Variants in PHF3 observed in about 807,000 individuals in gnomAD.
The protein encoded by PHF3 is PHD finger protein 3.
Under a neutral mutation model 178.4 loss-of-function variants are expected in PHF3, and 41 were observed. The observed-to-expected ratio is 0.23, with a 90% confidence interval of 0.18 to 0.30. PHF3 has a LOEUF of 0.30. PHF3 is among the 10% of genes least tolerant of loss of function. PHF3 has a pLI of 1.00. For synonymous variants in PHF3, 842 were observed against 800.5 expected (o/e 1.05, Z -0.88); for missense variants, 2,346 against 2,398.1 (o/e 0.98, Z 0.45).
At chr6:63,679,701 C>A (rs1766341603) in intron 2 of PHF3, 5 of 406,044 alleles carry the variant, frequency 1.2e-5, no homozygotes, top group South Asian at 9.5e-5. Flanking sequence ...TCACCTATGT[C>A]TTTCACAAGG....
intron 1 of PHF3, among the ~76,000 whole-genome samples, chr6:63,638,319 T>C (rs1363448214): frequency 1.3e-5 from 2 of 152,242 alleles, no homozygotes; most frequent in African/African-American, 2.4e-5. Context: ...TTTCATAGTA[T>C]AAGGCCTACT....
intron 9 of PHF3, among the ~76,000 whole-genome samples, chr6:63,701,713 G>A (rs1213520404): frequency 6.6e-6 from 1 of 151,912 alleles, no homozygotes; most frequent in East Asian, 1.9e-4. Flanking sequence ...TACCTTCACC[G>A]TATGTAATTT....
rs1174656143 is a variant in PHF3 at position 63,725,553 on chromosome 6, G to A, written c.*11845G>A. Among the ~76,000 whole-genome samples, 2 of 151,912 alleles carry A rather than the reference G, an allele frequency of 1.3e-5. No homozygotes were observed. Among genetic ancestry groups the A allele is most frequent in the Non-Finnish European group, 2.9e-5 (2 of 67,938 alleles). Reference sequence around the variant, plus strand: ...GTTCTCCTATTTGACATTTTCACAGGGAGATTTAATCATGAATTTAAAACC... The same window carrying A: ...GTTCTCCTATTTGACATTTTCACAGAGAGATTTAATCATGAATTTAAAACC... On this transcript the variant is annotated 3_prime_UTR_variant, in exon 16 of 16. Coordinates refer to ENST00000262043, the MANE Select transcript of PHF3 (RefSeq NM_001370348.2).
In PHF3 at chr6:63,641,655, G is replaced by A. The variant is rs577752857; in HGVS notation, c.-25-4872G>A. On this transcript the variant is annotated intron_variant, in intron 1 of 15. Transcript: ENST00000262043. ...TTGTAAAGTGTAATTTTTTTTTTTC[G>A]AGACGGAGTTTTGTTTTTGTCTTCC... 5.4e-5 allele frequency among the ~76,000 whole-genome samples: 8 copies of A among 148,882 alleles called. No homozygotes were observed. In the South Asian group the frequency reaches 1.3e-3, roughly 24 times the overall value.
intron 5 of PHF3, among the ~76,000 whole-genome samples, chr6:63,692,671 A>G (rs1359041647): frequency 6.6e-6 from 1 of 152,228 alleles, no homozygotes; most frequent in East Asian, 1.9e-4. Context: ...CGCAAAGAAC[A>G]TGAATCTTAG....
rs1768257848 is a variant in PHF3, at chr6:63,718,503, CTAATT to C, written c.*4798_*4802del. Among the ~76,000 whole-genome samples, 1 of 151,948 alleles carries C rather than the reference CTAATT, an allele frequency of 6.6e-6. No individual in the cohort carries two copies. The highest frequency in any genetic ancestry group is 2.4e-5 in the African/African-American group (1 of 41,408). On this transcript the variant is annotated 3_prime_UTR_variant, in exon 16 of 16. Transcript: ENST00000262043. ...ATTTATATAAAAGTTAACTTCCAAACTAATTTAGTAAGAAGAGTGTCATTGTCTTG... is the reference window on the plus strand; with the variant it reads ...ATTTATATAAAAGTTAACTTCCAAACTAGTAAGAAGAGTGTCATTGTCTTG...
In PHF3 at chr6:63,713,536, G is replaced by A. The variant is rs776051023; in HGVS notation, c.5948G>A (p.Gly1983Glu). The change falls in exon 16 of 16, where the codon GGA (glycine) becomes GAA (glutamate). Residue 1983 changes from glycine to glutamate, a missense_variant. Physicochemically the swap from Gly to Glu is moderately conservative, Grantham distance 98 (BLOSUM62 -2). This residue lies in a region of PHF3 where 839 missense variants were observed against 806.9 expected (regional missense o/e 1.04). Coordinates refer to ENST00000262043, the MANE Select transcript of PHF3 (RefSeq NM_001370348.2). ...RLSHGDRGTD[G>E]KASRDSRNVD... ...TCACATGGTGATCGAGGAACAGATG[G>A]AAAAGCAAGCAGAGATAGTAGGAAT... is the stretch of plus-strand genomic sequence containing the variant. 6.2e-7 allele frequency: 1 copy of A among 1,613,674 alleles called. No homozygotes were observed. Among genetic ancestry groups the A allele is most frequent in the South Asian group, 1.1e-5 (1 of 91,060 alleles).
At chr6:63,691,285 T>C (rs1381578432) in intron 4 of PHF3, among the ~76,000 whole-genome samples, 1 of 152,192 alleles carries the variant, frequency 6.6e-6, no homozygotes, top group African/African-American at 2.4e-5. Flanking sequence ...GGATAAACAA[T>C]TCTTCCCAAT....
chr6:63,691,897 A>T lies in PHF3; in HGVS notation c.2350A>T (p.Thr784Ser). 2.5e-6 allele frequency: 4 copies of T among 1,613,900 alleles called. No homozygotes were observed. Among genetic ancestry groups the T allele is most frequent in the Non-Finnish European group, 3.4e-6 (4 of 1,179,906 alleles). Reference sequence around the variant, plus strand: ...AAAGACTGAAATACTAGATCCAGATACTTTGGAAAACCAAGCTACAGTTGA... The same window carrying T: ...AAAGACTGAAATACTAGATCCAGATTCTTTGGAAAACCAAGCTACAGTTGA... ...DKKTEILDPD[T>S]LENQATVEFH... Residue 784 changes from threonine (T) to serine (S), a missense_variant, in exon 5 of 16, where the codon ACT becomes TCT. Thr to Ser is a moderately conservative substitution (Grantham distance 58, BLOSUM62 1). Coordinates refer to ENST00000262043, the MANE Select transcript of PHF3 (RefSeq NM_001370348.2).
chr6:63,692,430 G>A (rs1767047509), intron 5 of PHF3, among the ~76,000 whole-genome samples: 1 of 151,952 alleles, frequency 6.6e-6, no homozygotes, highest in African/African-American at 2.4e-5. Context: ...TTATTTTTTT[G>A]ACTACCTTCT....
At chr6:63,705,367 G>T (rs1243015515) in intron 11 of PHF3, among the ~76,000 whole-genome samples, 1 of 152,184 alleles carries the variant, frequency 6.6e-6, no homozygotes, top group Non-Finnish European at 1.5e-5. Flanking sequence ...ACGGTCCATG[G>T]CCTATTAGGA....
chr6:63,639,839 A>C (rs933262113), intron 1 of PHF3, among the ~76,000 whole-genome samples: 1 of 152,222 alleles, frequency 6.6e-6, no homozygotes, highest in Admixed American at 6.5e-5. Flanking sequence ...CATAGTTTTA[A>C]TGATGAGCTA....
Position 63,725,542 on chromosome 6 carries a change from C to T in PHF3, c.*11834C>T, listed in dbSNP as rs924304808. Among the ~76,000 whole-genome samples the T allele has an allele frequency of 3.3e-5, 5 of 152,226 alleles. No individual in the cohort carries two copies. The highest frequency in any genetic ancestry group is 7.2e-5 in the African/African-American group (3 of 41,560). On this transcript the variant is annotated 3_prime_UTR_variant, in exon 16 of 16. Transcript: ENST00000262043. ...GTTTGTATGTGGTTCTCCTATTTGA[C>T]ATTTTCACAGGGAGATTTAATCATG...
chr6:63,662,830 A>G (rs1165477618), intron 2 of PHF3, among the ~76,000 whole-genome samples: 1 of 152,222 alleles, frequency 6.6e-6, no homozygotes, highest in Non-Finnish European at 1.5e-5. Flanking sequence ...AAATGGTGAC[A>G]TTGTTTAAAG....
At chr6:63,639,567 G>A (rs1764487302) in intron 1 of PHF3, among the ~76,000 whole-genome samples, 1 of 152,102 alleles carries the variant, frequency 6.6e-6, no homozygotes, top group African/African-American at 2.4e-5. Flanking sequence ...AAAAATTAAT[G>A]TGTAGAGTGC....
chr6:63,661,741 C>T (rs1357821730), intron 2 of PHF3, among the ~76,000 whole-genome samples: 1 of 152,174 alleles, frequency 6.6e-6, no homozygotes, highest in African/African-American at 2.4e-5. Flanking sequence ...ATGATACTAT[C>T]TGAGAACTGT....
At chr6:63,673,545 CTGTT>C (rs959315360) in intron 2 of PHF3, among the ~76,000 whole-genome samples, 12 of 152,296 alleles carry the variant, frequency 7.9e-5, no homozygotes, top group African/African-American at 2.4e-4. Context: ...AGCCTCTTGT[CTGTT>C]TGTTAAGGTT....
At chr6:63,692,519 T>G (rs1290872435) in intron 5 of PHF3, among the ~76,000 whole-genome samples, 1 of 152,264 alleles carries the variant, frequency 6.6e-6, no homozygotes, top group African/African-American at 2.4e-5. Context: ...GCATTTTATC[T>G]GATTAAATTT....
chr6:63,721,192 A>G lies in PHF3; in HGVS notation c.*7484A>G. The G allele has an allele frequency of 6.4e-7, 1 of 1,551,668 alleles. No individual in the cohort carries two copies. Among genetic ancestry groups the G allele is most frequent in the South Asian group, 1.2e-5 (1 of 84,060 alleles). On this transcript the variant is annotated 3_prime_UTR_variant, in exon 16 of 16. Transcript: ENST00000262043. Reference sequence around the variant, plus strand: ...GAAAATGAAGTTTTGTTTTCACAATACCTTCCCACCCAACCCAAAGTACAC... The same window carrying G: ...GAAAATGAAGTTTTGTTTTCACAATGCCTTCCCACCCAACCCAAAGTACAC...
Sources: gnomAD v4.1 joint callset for allele counts (sites outside exome capture counted in the v4.1 genomes callset) on GRCh38, gnomAD v4.1.1 for gene constraint, gnomAD v4.1.1 regional missense constraint, MANE v1.5 for transcripts, NCBI Gene and HGNC (gene_info 2026-07-23, HGNC 2026-07-21) for gene names.